Variants in ARHGAP32 observed in about 807,000 individuals in gnomAD.
ARHGAP32 encodes the protein rho GTPase-activating protein 32.
ARHGAP32 carries 51 observed loss-of-function variants against 186.5 expected under a neutral mutation model. The observed-to-expected ratio is 0.27, with a 90% CI of 0.22 to 0.35. ARHGAP32 has a LOEUF of 0.35. Among genes scored for constraint, ARHGAP32 ranks in the 10% least tolerant of loss-of-function variants. ARHGAP32 has a pLI of 1.00. For missense variants in ARHGAP32, 2,186 were observed against 2,623.5 expected (o/e 0.83, Z 3.64); for synonymous variants, 950 against 964.3 (o/e 0.99, Z 0.27).
chr11:129,193,665 A>G (rs867559374), upstream of ARHGAP32, among the ~76,000 whole-genome samples: 348 of 61,696 alleles, frequency 5.6e-3, no homozygotes, highest in Non-Finnish European at 6.7e-3. Flanking sequence ...TACAATATAT[A>G]TTATATATAA....
chr11:129,217,653 C>T (rs928648588), intron 1 of ARHGAP32, among the ~76,000 whole-genome samples: 1 of 152,052 alleles, frequency 6.6e-6, no homozygotes, highest in Non-Finnish European at 1.5e-5. Context: ...AAGTAAAAAG[C>T]TCAGTACTGT....
intron 11 of ARHGAP32, among the ~76,000 whole-genome samples, chr11:129,030,959 TG>T (rs1442855847): frequency 1.3e-5 from 2 of 152,222 alleles, no homozygotes; most frequent in African/African-American, 4.8e-5. Flanking sequence ...ATGAGGTGCC[TG>T]CTCCCACTTC....
At chr11:129,014,165 T>C (rs1276434491) in intron 11 of ARHGAP32, among the ~76,000 whole-genome samples, 2 of 152,212 alleles carry the variant, frequency 1.3e-5, no homozygotes, top group Non-Finnish European at 2.9e-5. Flanking sequence ...CACTTTATAT[T>C]TGCAATCTTT....
chr11:129,188,277 C>T (rs547128666), intron 1 of ARHGAP32, among the ~76,000 whole-genome samples: 66 of 152,108 alleles, frequency 4.3e-4, no homozygotes, highest in Non-Finnish European at 7.9e-4. Flanking sequence ...TTAATACTAC[C>T]TCTCTGTACT....
chr11:129,108,799 A>G (rs1367837880), intron 5 of ARHGAP32, among the ~76,000 whole-genome samples: 1 of 152,154 alleles, frequency 6.6e-6, no homozygotes, highest in Admixed American at 6.5e-5. Flanking sequence ...TTGATACATA[A>G]TATTTTACAT....
intron 1 of ARHGAP32, among the ~76,000 whole-genome samples, chr11:129,277,918 T>C (rs537952200): frequency 1.7e-3 from 266 of 152,350 alleles, no homozygotes; most frequent in African/African-American, 6.2e-3. Flanking sequence ...CGATTCTCAG[T>C]TAGACTTCAA....
chr11:129,254,087 G>A (rs1343359342), intron 1 of ARHGAP32, among the ~76,000 whole-genome samples: 1 of 152,038 alleles, frequency 6.6e-6, no homozygotes, highest in African/African-American at 2.4e-5. Flanking sequence ...CATAGCTTTA[G>A]ATGCCTAACT....
chr11:128,991,267 C>T (rs565850354), intron 12 of ARHGAP32, among the ~76,000 whole-genome samples: 6 of 152,060 alleles, frequency 3.9e-5, no homozygotes, highest in Non-Finnish European at 8.8e-5. Context: ...TTTGTGTTCC[C>T]TGAGTAGAAG....
intron 1 of ARHGAP32, among the ~76,000 whole-genome samples, chr11:129,180,494 C>A (rs140377823): frequency 6.6e-6 from 1 of 151,958 alleles, no homozygotes; most frequent in Non-Finnish European, 1.5e-5. Context: ...ATGTGTTATA[C>A]CTCAAAGTGT....
intron 18 of ARHGAP32, among the ~76,000 whole-genome samples, chr11:128,979,418 T>C (rs1049738367): frequency 2.6e-5 from 4 of 152,210 alleles, no homozygotes; most frequent in Admixed American, 1.3e-4. Flanking sequence ...AGTACTATTA[T>C]TCTCATTTTG....
chr11:128,990,275 A>T (rs1301660066), intron 12 of ARHGAP32, among the ~76,000 whole-genome samples: 1 of 152,224 alleles, frequency 6.6e-6, no homozygotes, highest in Admixed American at 6.5e-5. Context: ...TGCTCATAGA[A>T]AAATATTTCA....
chr11:129,094,002 A>C (rs1183324094), intron 5 of ARHGAP32, among the ~76,000 whole-genome samples: 1 of 152,172 alleles, frequency 6.6e-6, no homozygotes, highest in Non-Finnish European at 1.5e-5. Flanking sequence ...ACAGTTTAAA[A>C]GAGTTCAGAC....
intron 2 of ARHGAP32, among the ~76,000 whole-genome samples, chr11:129,164,048 C>T (rs1192872935): frequency 6.6e-6 from 1 of 152,056 alleles, no homozygotes; most frequent in Non-Finnish European, 1.5e-5. Context: ...TTGATCAAAC[C>T]TCATCTTCCC....
At chr11:129,144,890 A>G (rs1943136946) in intron 2 of ARHGAP32, among the ~76,000 whole-genome samples, 1 of 152,224 alleles carries the variant, frequency 6.6e-6, no homozygotes, top group Non-Finnish European at 1.5e-5. Flanking sequence ...CGGAGGCGAT[A>G]TTTAAAATAA....
chr11:129,233,055 T>A (rs183205812), intron 1 of ARHGAP32, among the ~76,000 whole-genome samples: 32 of 152,274 alleles, frequency 2.1e-4, no homozygotes, highest in Non-Finnish European at 3.8e-4. Flanking sequence ...CATATTCCAA[T>A]AAAGTATTTA....
chr11:128,996,493 ATTTAT>A (rs1456343270), intron 12 of ARHGAP32, among the ~76,000 whole-genome samples: 2 of 152,314 alleles, frequency 1.3e-5, no homozygotes, highest in South Asian at 2.1e-4. Context: ...GAAAGCTATT[ATTTAT>A]TTTATCTCAA....
intron 11 of ARHGAP32, 97 bp downstream of exon 11, chr11:129,040,831 C>A: frequency 3.7e-6 from 3 of 800,192 alleles, no homozygotes; most frequent in Non-Finnish European, 4.0e-6. Context: ...CCTATAAATG[C>A]AAAACTAGCA....
At chr11:129,063,090 T>C (rs1940567304) in intron 9 of ARHGAP32, among the ~76,000 whole-genome samples, 1 of 134,748 alleles carries the variant, frequency 7.4e-6, no homozygotes, top group African/African-American at 2.7e-5. Flanking sequence ...TAAAACATAG[T>C]TAAGAACTTC....
Position 129,185,836 on chromosome 11 carries a change from G to GA in ARHGAP32, c.116+6246dup, listed in dbSNP as rs960221462. On this transcript the variant is annotated intron_variant, in intron 1 of 22. Transcript: ENST00000682385. ...ACATACATACACAGAAAGAGAGAGA[G>GA]AAAACCTGGGTGAAAGAAATCATTT... Among the ~76,000 whole-genome samples, 39 of 151,450 alleles carry GA rather than the reference G, an allele frequency of 2.6e-4. No homozygotes were observed. The East Asian group carries it at 6.6e-3, about 26-fold the overall frequency.
Sources: gnomAD v4.1 joint callset for allele counts (sites outside exome capture counted in the v4.1 genomes callset) on GRCh38, gnomAD v4.1.1 for gene constraint, MANE v1.5 for transcripts, NCBI Gene and HGNC (gene_info 2026-07-23, HGNC 2026-07-21) for gene names.